PPP2R5C: variants seen among roughly 807,000 people sequenced by gnomAD.
PPP2R5C encodes serine/threonine-protein phosphatase 2A 56 kDa regulatory subunit gamma isoform.
Under a neutral mutation model 68.9 loss-of-function variants are expected in PPP2R5C, and 7 were observed. The observed-to-expected ratio is 0.10, with a 90% CI of 0.06 to 0.19. PPP2R5C has a LOEUF of 0.19. Among genes scored for constraint, PPP2R5C ranks in the 10% least tolerant of loss-of-function variants. The probability of loss-of-function intolerance (pLI) is 1.00; values close to 1 mark genes in which losing one functional copy is unlikely to be tolerated. For missense variants in PPP2R5C, 348 were observed against 641.3 expected, an observed-to-expected ratio of 0.54 and a Z score of 4.94; for synonymous variants, 210 against 222.2, an observed-to-expected ratio of 0.95 and a Z score of 0.49.
upstream of PPP2R5C, among the ~76,000 whole-genome samples, chr14:101,805,937 G>A (rs980889702): frequency 1.3e-5 from 2 of 152,180 alleles, no homozygotes; most frequent in Non-Finnish European, 2.9e-5. Flanking sequence ...TGGGGACAGA[G>A]TGTCAGTTTT....
upstream of PPP2R5C, among the ~76,000 whole-genome samples, chr14:101,809,400 A>AC (rs1046140055): frequency 1.3e-5 from 2 of 150,906 alleles, no homozygotes; most frequent in African/African-American, 4.9e-5. Flanking sequence ...GTTAAAAAAA[A>AC]AAAACAAAAA....
chr14:101,807,072 T>C (rs1403361821), upstream of PPP2R5C, among the ~76,000 whole-genome samples: 8 of 152,262 alleles, frequency 5.3e-5, no homozygotes, highest in East Asian at 1.3e-3. Flanking sequence ...GATTATTCAC[T>C]TTCCCTTTCT....
At chr14:101,802,116 A>G (rs1390043369) in intron 3 of PPP2R5C, among the ~76,000 whole-genome samples, 1 of 152,216 alleles carries the variant, frequency 6.6e-6, no homozygotes, top group Non-Finnish European at 1.5e-5. Context: ...CACATGCAAA[A>G]GAATGAAGCG....
chr14:101,926,106 A>G (rs940300507), exon 14 of PPP2R5C: 11 of 152,264 alleles, frequency 7.2e-5, no homozygotes, highest in Admixed American at 5.2e-4. Flanking sequence ...TTGCCCTTCA[A>G]CAAGGCTCTT....
intron 2 of PPP2R5C, among the ~76,000 whole-genome samples, chr14:101,783,837 C>T (rs879447250): frequency 2.6e-5 from 4 of 152,220 alleles, no homozygotes; most frequent in Admixed American, 1.3e-4. Context: ...GGAACACGCA[C>T]GTATGTGACT....
intron 1 of PPP2R5C, among the ~76,000 whole-genome samples, chr14:101,811,861 AT>A (rs560201363): frequency 5.3e-5 from 8 of 150,284 alleles, no homozygotes; most frequent in Non-Finnish European, 7.4e-5. Flanking sequence ...AACCACATTG[AT>A]TTTTTTTTTA....
intron 3 of PPP2R5C, among the ~76,000 whole-genome samples, chr14:101,786,817 A>G (rs553082928): frequency 6.6e-6 from 1 of 152,370 alleles, no homozygotes; most frequent in African/African-American, 2.4e-5. Context: ...CAAGGAAAAC[A>G]GAGTAAGGAC....
intron 1 of PPP2R5C, among the ~76,000 whole-genome samples, chr14:101,852,682 G>C (rs1056837659): frequency 6.6e-6 from 1 of 151,910 alleles, no homozygotes; most frequent in Non-Finnish European, 1.5e-5. Flanking sequence ...ATGTTGGCTA[G>C]GCTAGTCTCG....
In PPP2R5C at chr14:101,908,267, A is replaced by G. The variant is rs1379628206; in HGVS notation, c.1152-1322A>G. On this transcript the variant is annotated intron_variant, in intron 10 of 13. Transcript: ENST00000334743. ...TAGGGCCAGCAGCCATGCTGATAGC[A>G]GTGGAGGCAGCAGCCAAGACCCTCA... Among the ~76,000 whole-genome samples the G allele has an allele frequency of 2.6e-5, 4 of 152,246 alleles. No individual in the cohort carries two copies. In the South Asian group the frequency reaches 6.2e-4, roughly 24 times the overall value.
intron 2 of PPP2R5C, among the ~76,000 whole-genome samples, chr14:101,775,936 G>A (rs980433765): frequency 6.6e-6 from 1 of 152,168 alleles, no homozygotes; most frequent in Middle Eastern, 3.4e-3. Flanking sequence ...GAGAGGCTCT[G>A]GGAAGGGGAG....
chr14:101,828,740 C>T (rs1004184270), intron 1 of PPP2R5C, among the ~76,000 whole-genome samples: 9 of 149,482 alleles, frequency 6.0e-5, no homozygotes, highest in African/African-American at 2.2e-4. Context: ...TACAGTGACA[C>T]GATCTCGGCT....
rs1168692123 is a variant in PPP2R5C, at chr14:101,889,267, A to G, written c.630-970A>G. On this transcript the variant is annotated intron_variant, in intron 5 of 13. Transcript: ENST00000334743. ...ATCAAATGGTTTTCATCTGATGGGC[A>G]GGGATCTTTCAGACCCTCTCACTGC... Among the ~76,000 whole-genome samples the G allele has an allele frequency of 1.7e-4, 26 of 152,186 alleles. 1 individual carries two copies. Among genetic ancestry groups the G allele is most frequent in the Admixed American group, 1.6e-3 (25 of 15,272 alleles).
intron 2 of PPP2R5C, among the ~76,000 whole-genome samples, chr14:101,773,072 G>A (rs1396696934): frequency 1.3e-5 from 2 of 152,168 alleles, no homozygotes; most frequent in South Asian, 2.1e-4. Context: ...CCCTCCAGGG[G>A]ATTCCTTCAT....
chr14:101,917,793 G>T lies in PPP2R5C; in HGVS notation c.1327-38G>T. Reference sequence around the variant, plus strand: ...ATGAGAAGCTTGGAGTTCAGAGCCTGGGCACCTAACAGAGCGACTCCACGC... The same window carrying T: ...ATGAGAAGCTTGGAGTTCAGAGCCTTGGCACCTAACAGAGCGACTCCACGC... On this transcript the variant is annotated intron_variant, in intron 12 of 13. Transcript: ENST00000334743. The surrounding 1 kb of genome is among the most constrained non-coding windows in gnomAD (Gnocchi z 4.4). 1 of 1,610,936 alleles carries T rather than the reference G, an allele frequency of 6.2e-7. No homozygotes were observed. The highest frequency in any genetic ancestry group is 8.5e-7 in the Non-Finnish European group (1 of 1,178,096).
chr14:101,890,448 G>A, intron 6 of PPP2R5C, 152 bp downstream of exon 8: 1 of 748,140 alleles, frequency 1.3e-6, no homozygotes, highest in Non-Finnish European at 2.1e-6. Context: ...GCAGGAGTTG[G>A]TGAGCTCTTA....
At chr14:101,846,833 T>C (rs2041857768) in intron 1 of PPP2R5C, among the ~76,000 whole-genome samples, 1 of 152,186 alleles carries the variant, frequency 6.6e-6, no homozygotes, top group Non-Finnish European at 1.5e-5. Context: ...CCCATGTCTC[T>C]CCTGAACAGA....
At chr14:101,810,199 AT>A in intron 1 of PPP2R5C, 2 of 646,310 alleles carry the variant, frequency 3.1e-6, no homozygotes, top group Non-Finnish European at 5.3e-6. Flanking sequence ...GCAGTTTGGC[AT>A]TTTACGAACT....
chr14:101,814,176 A>G (rs568343382), intron 1 of PPP2R5C, among the ~76,000 whole-genome samples: 9 of 152,356 alleles, frequency 5.9e-5, no homozygotes, highest in Admixed American at 2.6e-4. Context: ...TGTTTGAATG[A>G]TGACTAAACA....
At chr14:101,867,703 T>C (rs1016946026) in intron 2 of PPP2R5C, among the ~76,000 whole-genome samples, 3 of 151,352 alleles carry the variant, frequency 2.0e-5, no homozygotes, top group African/African-American at 7.3e-5. Flanking sequence ...GCTGGAACCC[T>C]GGAGGTGGAG....
Sources: gnomAD v4.1 joint callset for allele counts (sites outside exome capture counted in the v4.1 genomes callset) on GRCh38, gnomAD v4.1.1 for gene constraint, Gnocchi (gnomAD v3.1) non-coding constraint, MANE v1.5 for transcripts, NCBI Gene and HGNC (gene_info 2026-07-23, HGNC 2026-07-21) for gene names.